The following GABRA4 variants were observed in gnomAD, a reference collection of about 807,000 sequenced individuals.
The protein encoded by GABRA4 is gamma-aminobutyric acid receptor subunit alpha-4.
In GABRA4, 12 loss-of-function variants were observed where a neutral mutation model predicts 49.7. The observed-to-expected ratio is 0.24, with a 90% CI of 0.15 to 0.39. The LOEUF is 0.39. Ranked by LOEUF, GABRA4 falls within the 10% of genes least tolerant of loss-of-function variation. The pLI, the probability that GABRA4 is intolerant of heterozygous loss-of-function variation, is 1.00. For missense variants in GABRA4, 506 were observed against 686.0 expected (o/e 0.74, Z 2.93); for synonymous variants, 288 against 240.2 (o/e 1.20, Z -1.84).
In GABRA4 at chr4:46,922,254, A is replaced by G. The variant is rs1050344722; in HGVS notation, c.*5971T>C. The G allele has an allele frequency of 3.3e-5, 5 of 152,144 alleles. No homozygotes were observed. Among genetic ancestry groups the G allele is most frequent in the Non-Finnish European group, 7.4e-5 (5 of 68,026 alleles). 9.4% of individuals were successfully genotyped at this position (152,144 alleles called of 1,614,324 possible). ...ACTGTGAACTACATAGGCCGCCCAAATGTCAAAAATAGATATAAAAATATG... is the reference window on the plus strand; with the variant it reads ...ACTGTGAACTACATAGGCCGCCCAAGTGTCAAAAATAGATATAAAAATATG... On this transcript the variant is annotated 3_prime_UTR_variant, in exon 9 of 9. Coordinates refer to ENST00000264318, the MANE Select transcript of GABRA4 (RefSeq NM_000809.4).
Position 46,927,046 on chromosome 4 carries a change from G to A in GABRA4, c.*1179C>T, listed in dbSNP as rs1296686913. On this transcript the variant is annotated 3_prime_UTR_variant, in exon 9 of 9. Coordinates refer to ENST00000264318, the MANE Select transcript of GABRA4 (RefSeq NM_000809.4). The stretch of plus-strand genomic sequence containing the variant: ...AGCTAATATCTAGATCTATCTTGGG[G>A]AAAGCACCTGAAAAAGCCTGTGCTC... 1 of 151,892 alleles carries A rather than the reference G, an allele frequency of 6.6e-6. No individual in the cohort carries two copies. Among genetic ancestry groups the A allele is most frequent in the African/African-American group, 2.4e-5 (1 of 41,396 alleles). 9.4% of individuals were successfully genotyped at this position (151,892 alleles called of 1,614,324 possible). A position where few individuals can be genotyped will look rare whatever the true frequency, so the allele number is the denominator to read the frequency against.
chr4:46,980,161 A>G (rs926604227), intron 2 of GABRA4, among the ~76,000 whole-genome samples: 3 of 152,134 alleles, frequency 2.0e-5, no homozygotes, highest in Admixed American at 6.6e-5. Context: ...TAATGTGCTC[A>G]ATAATGACAG....
chr4:46,932,884 A>C (rs1391460334), intron 8 of GABRA4, among the ~76,000 whole-genome samples: 1 of 152,164 alleles, frequency 6.6e-6, no homozygotes, highest in Non-Finnish European at 1.5e-5. Context: ...AGACCTGTCC[A>C]TTCATTATTT....
At chr4:46,957,048 A>T (rs960581177) in intron 8 of GABRA4, among the ~76,000 whole-genome samples, 2 of 152,074 alleles carry the variant, frequency 1.3e-5, no homozygotes, top group African/African-American at 4.8e-5. Context: ...AGATGCCTAA[A>T]GAAATAAAAA....
At chr4:46,936,511 A>C (rs943970975) in intron 8 of GABRA4, among the ~76,000 whole-genome samples, 1 of 152,108 alleles carries the variant, frequency 6.6e-6, no homozygotes, top group Non-Finnish European at 1.5e-5. Flanking sequence ...CGGCCTCCCA[A>C]AGTGCTGGGA....
intron 8 of GABRA4, among the ~76,000 whole-genome samples, chr4:46,932,945 A>T (rs929011263): frequency 6.6e-6 from 1 of 152,128 alleles, no homozygotes; most frequent in Admixed American, 6.6e-5. Context: ...GATATCTACT[A>T]TTGGATAAGT....
chr4:46,966,579 A>T (rs1722759742), intron 7 of GABRA4, among the ~76,000 whole-genome samples: 1 of 151,722 alleles, frequency 6.6e-6, no homozygotes, highest in African/African-American at 2.4e-5. Flanking sequence ...CAAGCCTAAG[A>T]TTGCTTCAGG....
At chr4:46,964,022 A>G (rs1468177756) in intron 8 of GABRA4, among the ~76,000 whole-genome samples, 1 of 151,884 alleles carries the variant, frequency 6.6e-6, no homozygotes, top group South Asian at 2.1e-4. Flanking sequence ...GTGTCTATAA[A>G]CTGATAAATG....
At chr4:46,970,186 C>T (rs1266596176) in intron 7 of GABRA4, among the ~76,000 whole-genome samples, 1 of 151,398 alleles carries the variant, frequency 6.6e-6, no homozygotes, top group Non-Finnish European at 1.5e-5. Context: ...AGTTCCTTCG[C>T]ACCAGCATCT....
intron 8 of GABRA4, among the ~76,000 whole-genome samples, chr4:46,964,444 A>G (rs1489707105): frequency 6.6e-6 from 1 of 151,840 alleles, no homozygotes; most frequent in Non-Finnish European, 1.5e-5. Context: ...CAAATAATAA[A>G]TACTTGAAGA....
intron 2 of GABRA4, among the ~76,000 whole-genome samples, chr4:46,981,040 CAG>C (rs1406990281): frequency 6.6e-6 from 1 of 152,076 alleles, no homozygotes; most frequent in African/African-American, 2.4e-5. Context: ...TCTGTTAAAA[CAG>C]ATTGTTGAAC....
rs532256288 is a variant in GABRA4, at chr4:46,941,671, G to T, written c.1135-12916C>A. On this transcript the variant is annotated intron_variant, in intron 8 of 8. Transcript: ENST00000264318. ...TGATAATAGTGTAACTTTCCACTTC[G>T]GTAAATGTTGGAAATGTATGAGAGC... Among the ~76,000 whole-genome samples the T allele has an allele frequency of 1.1e-4, 17 of 152,038 alleles. No individual in the cohort carries two copies. In the South Asian group the frequency reaches 3.5e-3, roughly 32 times the overall value.
In GABRA4 at chr4:46,928,558, G is replaced by T. The variant is rs1450780437; in HGVS notation, c.1332C>A (p.Thr444=). 6.2e-7 allele frequency: 1 copy of T among 1,613,646 alleles called. No homozygotes were observed. Among genetic ancestry groups the T allele is most frequent in the Non-Finnish European group, 8.5e-7 (1 of 1,179,736 alleles). ...ATGGAAGTGCTCTTGCTGCAGATAT[G>T]GTTTCAGCTGCATTTGCACGGCTGA... is the stretch of plus-strand genomic sequence containing the variant. ...NPFSRANAAE[T]ISAARALPSA... Residue 444 remains threonine (T), a synonymous_variant, in exon 9 of 9, where the codon ACC becomes ACA. Transcript: ENST00000264318.
intron 8 of GABRA4, among the ~76,000 whole-genome samples, chr4:46,959,781 A>T (rs1373288464): frequency 6.8e-6 from 1 of 148,062 alleles, no homozygotes; most frequent in East Asian, 2.0e-4. Flanking sequence ...AAAAAAGAAA[A>T]GAAAACTCTA....
At chr4:46,957,208 A>C (rs1447666933) in intron 8 of GABRA4, among the ~76,000 whole-genome samples, 2 of 151,938 alleles carry the variant, frequency 1.3e-5, no homozygotes, top group Admixed American at 1.3e-4. Context: ...CCATATCCTC[A>C]AGATCCTAGA....
intron 2 of GABRA4, among the ~76,000 whole-genome samples, chr4:46,984,144 A>C (rs1363761322): frequency 6.6e-6 from 1 of 152,070 alleles, no homozygotes; most frequent in African/African-American, 2.4e-5. Flanking sequence ...CTGCCACATC[A>C]TGAGAAAACC....
At chr4:46,972,766 G>A (rs1402742368) in intron 6 of GABRA4, among the ~76,000 whole-genome samples, 3 of 151,334 alleles carry the variant, frequency 2.0e-5, no homozygotes, top group African/African-American at 2.4e-5. Flanking sequence ...TCCTCCTCCC[G>A]GAGGCCCCTG....
rs1208756692 is a variant in GABRA4 at position 46,925,725 on chromosome 4, AT to A, written c.*2499del. 9.6e-6 allele frequency: 1 copy of A among 103,836 alleles called. No individual in the cohort carries two copies. The highest frequency in any genetic ancestry group is 3.2e-5 in the African/African-American group (1 of 31,484). The allele number at this position is 103,836 out of a possible 1,614,324, so 6.4% of individuals were successfully genotyped here. ...GGAAAGCAAACAACATATTATTATT[AT>A]TATTATTATTATTATTATTATTATT... On this transcript the variant is annotated 3_prime_UTR_variant, in exon 9 of 9. Coordinates refer to ENST00000264318, the MANE Select transcript of GABRA4 (RefSeq NM_000809.4).
chr4:46,951,805 T>C (rs1362409450), intron 8 of GABRA4, among the ~76,000 whole-genome samples: 2 of 151,702 alleles, frequency 1.3e-5, no homozygotes, highest in African/African-American at 4.8e-5. Flanking sequence ...CGTGTGTGTG[T>C]GTGTGTGTGT....
Sources: allele counts gnomAD v4.1 joint callset (sites outside exome capture counted in the v4.1 genomes callset), GRCh38; gene constraint gnomAD v4.1.1; transcripts MANE v1.5; gene names NCBI Gene and HGNC (gene_info 2026-07-23, HGNC 2026-07-21).